SCLT1: variants seen among roughly 807,000 people sequenced by gnomAD.
The protein encoded by SCLT1 is sodium channel-associated protein 1.
A neutral mutation model predicts 112.8 loss-of-function variants in SCLT1; 78 were observed. The ratio of observed to expected loss-of-function variants is 0.69; its 90% CI spans 0.58 to 0.83. SCLT1 has a LOEUF of 0.83. SCLT1 is among the 40% of genes least tolerant of loss of function. The probability of loss-of-function intolerance (pLI) is 0.00; values close to 1 mark genes in which losing one functional copy is unlikely to be tolerated. For missense variants in SCLT1, 747 were observed against 770.4 expected, an observed-to-expected ratio of 0.97 and a Z score of 0.36; for synonymous variants, 257 against 254.7, an observed-to-expected ratio of 1.01 and a Z score of -0.09.
chr4:128,880,391 A>C (rs1732613718), downstream of SCLT1, among the ~76,000 whole-genome samples: 1 of 152,298 alleles, frequency 6.6e-6, no homozygotes, highest in Non-Finnish European at 1.5e-5. Flanking sequence ...TGTAAATCAA[A>C]AATTGCCTGT....
intron 2 of SCLT1, among the ~76,000 whole-genome samples, chr4:129,078,770 A>T (rs999459274): frequency 6.6e-6 from 1 of 152,176 alleles, no homozygotes. Flanking sequence ...CCTTGAAAAT[A>T]ATTTTAGTTC....
intron 2 of SCLT1, among the ~76,000 whole-genome samples, chr4:129,052,016 T>C (rs1354857553): frequency 6.6e-6 from 1 of 152,190 alleles, no homozygotes; most frequent in African/African-American, 2.4e-5. Flanking sequence ...TCTGTTTATG[T>C]GATGGATTAT....
chr4:129,012,660 T>C (rs1016870610), intron 5 of SCLT1, among the ~76,000 whole-genome samples: 28 of 152,224 alleles, frequency 1.8e-4, no homozygotes, highest in African/African-American at 5.1e-4. Flanking sequence ...TCTATGTCTC[T>C]TTGAAGGTCT....
intron 14 of SCLT1, chr4:128,952,505 C>T: frequency 1.8e-6 from 1 of 548,658 alleles, no homozygotes. Context: ...ATAGGAGCTA[C>T]AGCTAGCAAT....
chr4:128,926,028 TA>T (rs201258342), intron 18 of SCLT1, among the ~76,000 whole-genome samples: 2 of 151,720 alleles, frequency 1.3e-5, no homozygotes, highest in African/African-American at 4.8e-5. Flanking sequence ...TAATAAAAAT[TA>T]AAAAAATAAT....
chr4:129,093,268 G>T lies in SCLT1; in HGVS notation c.-165C>A. The T allele has an allele frequency of 1.6e-6, 1 of 644,208 alleles. No homozygotes were observed. The allele number at this position is 644,208 out of a possible 1,614,324, so 39.9% of individuals were successfully genotyped here. Reference sequence around the variant, plus strand: ...CACGCGGCATCTACAGCCCCGCCACGCTTCTTTCCCCCGCGCCCCAGACGA... The same window carrying T: ...CACGCGGCATCTACAGCCCCGCCACTCTTCTTTCCCCCGCGCCCCAGACGA... On this transcript the variant is annotated 5_prime_UTR_variant, in exon 1 of 21. Coordinates refer to ENST00000281142, the MANE Select transcript of SCLT1 (RefSeq NM_144643.4).
At chr4:129,045,535 A>G (rs2125702247) in intron 2 of SCLT1, among the ~76,000 whole-genome samples, 1 of 152,212 alleles carries the variant, frequency 6.6e-6, no homozygotes, top group East Asian at 1.9e-4. Flanking sequence ...TAAATAAAAA[A>G]TGATACAATA....
At chr4:128,982,998 C>T (rs1031050556) in intron 9 of SCLT1, among the ~76,000 whole-genome samples, 3 of 152,190 alleles carry the variant, frequency 2.0e-5, no homozygotes, top group Non-Finnish European at 4.4e-5. Flanking sequence ...AAGTGATTCT[C>T]CTGCCTCAGC....
intron 9 of SCLT1, among the ~76,000 whole-genome samples, chr4:128,989,269 A>G (rs1742360257): frequency 6.6e-6 from 1 of 151,972 alleles, no homozygotes; most frequent in Non-Finnish European, 1.5e-5. Flanking sequence ...CTGAAATCAT[A>G]TAAAGTATCT....
chr4:128,915,873 A>G (rs1250436341), intron 18 of SCLT1, among the ~76,000 whole-genome samples: 1 of 152,262 alleles, frequency 6.6e-6, no homozygotes, highest in Non-Finnish European at 1.5e-5. Flanking sequence ...ACATGTAATG[A>G]AACAAGTATA....
At chr4:128,989,507 CCTCCATCA>C (rs1742377542) in intron 9 of SCLT1, among the ~76,000 whole-genome samples, 1 of 151,586 alleles carries the variant, frequency 6.6e-6, no homozygotes, top group Admixed American at 6.6e-5. Context: ...GCAATAGATA[CCTCCATCA>C]AAAAGTAGAA....
chr4:129,053,377 A>C (rs1206639351), intron 2 of SCLT1, among the ~76,000 whole-genome samples: 1 of 151,842 alleles, frequency 6.6e-6, no homozygotes, highest in Non-Finnish European at 1.5e-5. Flanking sequence ...TCTCTTTGTA[A>C]GTCTCTAAGA....
chr4:128,995,850 C>A (rs142835358), intron 8 of SCLT1, among the ~76,000 whole-genome samples: 487 of 152,186 alleles, frequency 3.2e-3, no homozygotes, highest in Non-Finnish European at 6.2e-3. Context: ...CAACTTTTCC[C>A]CTCCCTAGGG....
intron 11 of SCLT1, among the ~76,000 whole-genome samples, chr4:128,960,990 T>C (rs1739672025): frequency 1.3e-5 from 1 of 78,980 alleles, no homozygotes; most frequent in South Asian, 3.7e-4. Context: ...CTGTCCTTTA[T>C]GCTGCAAATT....
chr4:128,947,955 T>G (rs1311159886), intron 15 of SCLT1, among the ~76,000 whole-genome samples: 1 of 152,090 alleles, frequency 6.6e-6, no homozygotes, highest in East Asian at 1.9e-4. Flanking sequence ...AGGATGAGGT[T>G]TAAGCAAGAA....
chr4:128,929,152 T>C (rs1402685285), intron 18 of SCLT1, among the ~76,000 whole-genome samples: 1 of 152,216 alleles, frequency 6.6e-6, no homozygotes, highest in Admixed American at 6.5e-5. Context: ...GCTTTTGTCC[T>C]AAGTAAGGTC....
chr4:128,990,782 A>G (rs1742496048), intron 9 of SCLT1, among the ~76,000 whole-genome samples: 1 of 151,716 alleles, frequency 6.6e-6, no homozygotes, highest in African/African-American at 2.4e-5. Context: ...TTATTTCCAT[A>G]TGCCAACTGA....
Position 128,936,670 on chromosome 4 carries a change from C to G in SCLT1, c.1814G>C (p.Arg605Thr). 6.3e-7 allele frequency: 1 copy of G among 1,594,348 alleles called. No individual in the cohort carries two copies. Among genetic ancestry groups the G allele is most frequent in the Non-Finnish European group, 8.5e-7 (1 of 1,172,534 alleles). ...GTAGACTTACTTTAGATTATTGATT[C>G]TAATTTCTGCACTTTCAGTAAGTTT... ...TKKLTESAEIRINNLKSELSR... is the reference protein window; with the variant it reads ...TKKLTESAEITINNLKSELSR... Residue 605 changes from arginine (R) to threonine (T), a missense_variant, in exon 18 of 21, where the codon AGA becomes ACA. This residue lies in a region of SCLT1 where 723 missense variants were observed against 721.3 expected (regional missense o/e 1.00). Coordinates refer to ENST00000281142, the MANE Select transcript of SCLT1 (RefSeq NM_144643.4).
chr4:129,093,405 G>A lies in SCLT1; in HGVS notation c.-302C>T, dbSNP rs768559332. Reference sequence around the variant, plus strand: ...TACAGGCGTCCCGCGGGTCACTCTGGGTCTCGTCGGGCCACCTAGGAGAGT... The same window carrying A: ...TACAGGCGTCCCGCGGGTCACTCTGAGTCTCGTCGGGCCACCTAGGAGAGT... On this transcript the variant is annotated 5_prime_UTR_variant, in exon 1 of 21. Coordinates refer to ENST00000281142, the MANE Select transcript of SCLT1 (RefSeq NM_144643.4). The A allele has an allele frequency of 8.7e-6, 4 of 459,564 alleles. No individual in the cohort carries two copies. Among genetic ancestry groups the A allele is most frequent in the Admixed American group, 3.7e-5 (1 of 27,326 alleles). The allele number at this position is 459,564 out of a possible 1,614,324, so 28.5% of individuals were successfully genotyped here. A position where few individuals can be genotyped will look rare whatever the true frequency, so the allele number is the denominator to read the frequency against.
Sources: gnomAD v4.1 joint callset for allele counts (sites outside exome capture counted in the v4.1 genomes callset) on GRCh38, gnomAD v4.1.1 for gene constraint, gnomAD v4.1.1 regional missense constraint, MANE v1.5 for transcripts, NCBI Gene and HGNC (gene_info 2026-07-23, HGNC 2026-07-21) for gene names.